LTBR: variants seen among roughly 807,000 people sequenced by gnomAD.
LTBR encodes the protein lymphotoxin beta receptor.
A neutral mutation model predicts 45.4 loss-of-function variants in LTBR; 15 were observed. The observed-to-expected ratio is 0.33, with a 90% CI of 0.22 to 0.51. The LOEUF is 0.51. Among genes scored for constraint, LTBR ranks in the 20% least tolerant of loss-of-function variants. The pLI, the probability that LTBR is intolerant of heterozygous loss-of-function variation, is 0.97. For synonymous variants in LTBR, 228 were observed against 231.0 expected (o/e 0.99, Z 0.12); for missense variants, 450 against 565.5 (o/e 0.80, Z 2.07).
chr12:6,383,414 G>A (rs1200680732), upstream of LTBR, among the ~76,000 whole-genome samples: 4 of 152,084 alleles, frequency 2.6e-5, no homozygotes, highest in South Asian at 2.1e-4. Context: ...GCTGGACTGC[G>A]TGGGCTCTCA....
At chr12:6,389,979 G>A in intron 8 of LTBR, 133 bp from the exon 9 acceptor site, 3 of 669,482 alleles carry the variant, frequency 4.5e-6, no homozygotes, top group Non-Finnish European at 7.8e-6. Flanking sequence ...GAGAGAGAGA[G>A]AAAGAGAGAG....
At position 6,377,881 on chromosome 12, in the gene LTBR, T is replaced by G. The variant is rs1948935751; in HGVS notation, c.39+2287T>G. Reference sequence around the variant, plus strand: ...GGGCTGAGCCAAAGGGTGGTGACCCTGCCACGTCCTGCCGGGTATGGGAGT... The same window carrying G: ...GGGCTGAGCCAAAGGGTGGTGACCCGGCCACGTCCTGCCGGGTATGGGAGT... On this transcript the variant is annotated intron_variant, in intron 1 of 9. Coordinates refer to the LTBR transcript ENST00000539925. 2.0e-5 allele frequency among the ~76,000 whole-genome samples: 3 copies of G among 152,234 alleles called. No homozygotes were observed. In the East Asian group the frequency reaches 5.8e-4, roughly 29 times the overall value.
Position 6,386,152 on chromosome 12 carries a change from C to G in LTBR, c.559C>G (p.Pro187Ala). Reference sequence around the variant, plus strand: ...CTCCTCCCCCAGCGCCCGCTGCCAGCCCCACACCAGGTGAGTGCAGCCCCA... The same window carrying G: ...CTCCTCCCCCAGCGCCCGCTGCCAGGCCCACACCAGGTGAGTGCAGCCCCA... ...NTSSPSARCQ[P>A]HTRCENQGLV... Residue 187 changes from proline to alanine, a missense_variant, in exon 5 of 10, where the codon CCC (proline) becomes GCC (alanine). By Grantham distance (27) the Pro-to-Ala change is conservative (BLOSUM62 -1). Coordinates refer to ENST00000228918, the MANE Select transcript of LTBR (RefSeq NM_002342.3). This position sits in a 1 kb window ranked among gnomAD's most constrained non-coding sequence, Gnocchi z 4.1. 6.2e-7 allele frequency: 1 copy of G among 1,613,134 alleles called. No homozygotes were observed.
At position 6,386,246 on chromosome 12, in the gene LTBR, C is replaced by T. The variant is rs147840017; in HGVS notation, c.569+84C>T. The T allele has an allele frequency of 1.1e-4, 168 of 1,474,768 alleles. 1 individual carries two copies. In the African/African-American group the frequency reaches 1.6e-3, roughly 14 times the overall value. The allele number at this position is 1,474,768 out of a possible 1,614,324, so 91.4% of individuals were successfully genotyped here. On this transcript the variant is annotated intron_variant, in intron 5 of 9. Coordinates refer to ENST00000228918, the MANE Select transcript of LTBR (RefSeq NM_002342.3). The surrounding 1 kb of genome is among the most constrained non-coding windows in gnomAD (Gnocchi z 4.1). ...CCCCCAGCGCCTATCCTTGACACCA[C>T]GGACTCGACTCACCACTTTCAGCCT...
upstream of LTBR, among the ~76,000 whole-genome samples, chr12:6,382,416 C>T (rs1948993413): frequency 6.6e-6 from 1 of 152,092 alleles, no homozygotes. Flanking sequence ...TGTGGAATTT[C>T]CACAGTAAAA....
upstream of LTBR, among the ~76,000 whole-genome samples, chr12:6,381,713 G>A (rs3759327): frequency 0.67 from 101,242 of 152,088 alleles, 35,095 homozygotes; most frequent in African/African-American, 0.87. Flanking sequence ...CGTGGCTCAC[G>A]CCTGTAATCC....
upstream of LTBR, chr12:6,375,335 C>T: frequency 6.9e-7 from 1 of 1,442,500 alleles, no homozygotes; most frequent in Non-Finnish European, 9.1e-7. Context: ...GCCCTCAGCT[C>T]CAGCCTCTGG....
upstream of LTBR, among the ~76,000 whole-genome samples, chr12:6,379,321 C>T (rs1380911899): frequency 6.6e-6 from 1 of 152,186 alleles, no homozygotes; most frequent in African/African-American, 2.4e-5. Flanking sequence ...GAAAAAGCAT[C>T]TGCAAAACTT....
At chr12:6,390,376 G>C (rs766807673) in intron 9 of LTBR, 36 bp downstream of exon 9, 2 of 1,522,426 alleles carry the variant, frequency 1.3e-6, no homozygotes, top group Non-Finnish European at 1.8e-6. Flanking sequence ...GGAAGGATGG[G>C]GAGGGAGGGA....
At position 6,385,116 on chromosome 12, in the gene LTBR, C is replaced by G. The variant is rs753811636; in HGVS notation, c.288C>G (p.Thr96=). The change falls in exon 3 of 10, where the codon ACC becomes ACG. Residue 96 remains threonine, a synonymous_variant. Transcript: ENST00000228918. ...ACAACGAGCACTGGAACTACCTGAC[C>G]ATCTGCCAGCTGTGCCGCCCCTGTG... ...NSYNEHWNYL[T]ICQLCRPCDP... is the part of the protein sequence containing the mutation. 6.2e-7 allele frequency: 1 copy of G among 1,614,226 alleles called. No homozygotes were observed. The highest frequency in any genetic ancestry group is 1.1e-5 in the South Asian group (1 of 91,082).
chr12:6,375,628 T>G (rs1948893232), intron 1 of LTBR: 3 of 1,485,512 alleles, frequency 2.0e-6, no homozygotes, highest in Non-Finnish European at 2.7e-6. Flanking sequence ...TGAGGAGGAG[T>G]CAGAGCCGGG....
chr12:6,386,433 C>G lies in LTBR; in HGVS notation c.656C>G (p.Pro219Arg), dbSNP rs185897139. The G allele has an allele frequency of 1.2e-6, 2 of 1,611,880 alleles. No homozygotes were observed. Among genetic ancestry groups the G allele is most frequent in the Non-Finnish European group, 1.7e-6 (2 of 1,179,358 alleles). Reference sequence around the variant, plus strand: ...AAAAATCCATTAGAGCCACTGCCCCCAGAGATGTCAGGTGAGGGACCAGGG... The same window carrying G: ...AAAAATCCATTAGAGCCACTGCCCCGAGAGATGTCAGGTGAGGGACCAGGG... The part of the protein sequence containing the change: ...TCKNPLEPLP[P>R]EMSGTMLMLA... The change falls in exon 6 of 10, where the codon CCA (proline) becomes CGA (arginine). Residue 219 changes from proline to arginine, a missense_variant. Pro to Arg is a moderately radical substitution (Grantham distance 103, BLOSUM62 -2). This residue lies in a region of LTBR where 367 missense variants were observed against 435.4 expected (regional missense o/e 0.84). Transcript: ENST00000228918. The surrounding 1 kb of genome is among the most constrained non-coding windows in gnomAD (Gnocchi z 4.1).
rs3075360 is a variant in LTBR, at chr12:6,386,604, TACACACACAC to T, written c.667+183_667+192del. The T allele has an allele frequency of 4.0e-3, 2,189 of 546,602 alleles. 43 individuals are homozygous for T. In the South Asian group the frequency reaches 0.047, roughly 12 times the overall value. 33.9% of individuals were successfully genotyped at this position (546,602 alleles called of 1,614,324 possible). A position where few individuals can be genotyped will look rare whatever the true frequency, so the allele number is the denominator to read the frequency against. ...AAATTGGAGTATCTCTAGGCTAGTT[TACACACACAC>T]ACACACACACACACACACACACTTT... On this transcript the variant is annotated intron_variant, in intron 6 of 9. Coordinates refer to ENST00000228918, the MANE Select transcript of LTBR (RefSeq NM_002342.3). This position sits in a 1 kb window ranked among gnomAD's most constrained non-coding sequence, Gnocchi z 4.1.
At chr12:6,375,766 A>G (rs2136917061) in intron 1 of LTBR, 1 of 1,407,598 alleles carries the variant, frequency 7.1e-7, no homozygotes, top group Non-Finnish European at 9.2e-7. Flanking sequence ...ATGGCAGGTG[A>G]GGGGCAAAGA....
At chr12:6,384,855 C>A in intron 2 of LTBR, 167 bp from the exon 3 acceptor site, 2 of 1,016,184 alleles carry the variant, frequency 2.0e-6, no homozygotes, top group Non-Finnish European at 2.9e-6. Context: ...TGGCCCTCCC[C>A]ACTGGGCCTC....
In LTBR at chr12:6,390,928, C is replaced by A; in HGVS notation, c.1299C>A (p.Thr433=). The part of the protein sequence containing the change: ...SNRGPRNQFI[T]HD Reference sequence around the variant, plus strand: ...GGGGCCCAAGGAACCAATTTATCACCCATGACTGACTGAGTCTGAGAAAAG... The same window carrying A: ...GGGGCCCAAGGAACCAATTTATCACACATGACTGACTGAGTCTGAGAAAAG... Residue 433 remains threonine (T), a synonymous_variant, in exon 10 of 10, where the codon ACC becomes ACA. Coordinates refer to ENST00000228918, the MANE Select transcript of LTBR (RefSeq NM_002342.3). The A allele has an allele frequency of 6.4e-7, 1 of 1,560,166 alleles. No individual in the cohort carries two copies. The highest frequency in any genetic ancestry group is 8.7e-7 in the Non-Finnish European group (1 of 1,152,552).
rs780237155 is a variant in LTBR, at chr12:6,386,471, G to GGC, written c.667+28_667+29insCG. 22 of 1,571,060 alleles carry GGC rather than the reference G, an allele frequency of 1.4e-5. No individual in the cohort carries two copies. The highest frequency in any genetic ancestry group is 3.3e-5 in the South Asian group (3 of 89,796). ...TGAGGGACCAGGGCTGAGGGACACG[G>GGC]GGGGGGCGCCTCTGAAAATGCCTTA... On this transcript the variant is annotated intron_variant, in intron 6 of 9. Coordinates refer to ENST00000228918, the MANE Select transcript of LTBR (RefSeq NM_002342.3). This position sits in a 1 kb window ranked among gnomAD's most constrained non-coding sequence, Gnocchi z 4.1.
chr12:6,377,685 T>C, intron 1 of LTBR: 2 of 1,296,864 alleles, frequency 1.5e-6, no homozygotes, highest in South Asian at 1.2e-5. Context: ...TGGTCCTCCC[T>C]GCAATAAGGT....
At chr12:6,379,347 C>T (rs1948954763), upstream of LTBR, among the ~76,000 whole-genome samples, 1 of 152,216 alleles carries the variant, frequency 6.6e-6, no homozygotes, top group South Asian at 2.1e-4. Flanking sequence ...ATCCTAACTT[C>T]CTCTGACAAC....
Sources: allele counts gnomAD v4.1 joint callset (sites outside exome capture counted in the v4.1 genomes callset), GRCh38; gene constraint gnomAD v4.1.1; regional missense constraint gnomAD v4.1.1; non-coding constraint Gnocchi (gnomAD v3.1); transcripts MANE v1.5; gene names NCBI Gene and HGNC (gene_info 2026-07-23, HGNC 2026-07-21).